Variants in ADCY1 observed in about 807,000 individuals in gnomAD.
ADCY1 encodes adenylate cyclase type 1.
A neutral mutation model predicts 105.4 loss-of-function variants in ADCY1; 28 were observed. The observed-to-expected ratio is 0.27, with a 90% CI of 0.20 to 0.36. The LOEUF is 0.36. ADCY1 is among the 10% of genes least tolerant of loss of function. The pLI, the probability that ADCY1 is intolerant of heterozygous loss-of-function variation, is 1.00. For synonymous variants in ADCY1, 655 were observed against 623.8 expected, an observed-to-expected ratio of 1.05 and a Z score of -0.75; for missense variants, 977 against 1,434.2, an observed-to-expected ratio of 0.68 and a Z score of 5.15.
chr7:45,642,826 A>C (rs2116034474), intron 4 of ADCY1, among the ~76,000 whole-genome samples: 1 of 152,286 alleles, frequency 6.6e-6, no homozygotes, highest in South Asian at 2.1e-4. Flanking sequence ...GTTGCATTTG[A>C]CTTTGCAAGG....
chr7:45,621,925 A>G (rs1214604895), intron 3 of ADCY1, among the ~76,000 whole-genome samples: 1 of 152,226 alleles, frequency 6.6e-6, no homozygotes, highest in Non-Finnish European at 1.5e-5. Flanking sequence ...AGCATGTTTT[A>G]ATATTGCAAG....
At chr7:45,625,452 T>C (rs943656522) in intron 4 of ADCY1, among the ~76,000 whole-genome samples, 1 of 152,062 alleles carries the variant, frequency 6.6e-6, no homozygotes, top group South Asian at 2.1e-4. Context: ...TACATATGTG[T>C]GTGAGTGTGC....
At chr7:45,713,576 G>C (rs572483633) in intron 19 of ADCY1, 117 bp from the exon 20 acceptor site, 1 of 650,738 alleles carries the variant, frequency 1.5e-6, no homozygotes, top group African/African-American at 1.8e-5. Flanking sequence ...ACATCCCAGT[G>C]CCAGGGTTGG....
At chr7:45,596,308 G>A (rs557837967) in intron 2 of ADCY1, among the ~76,000 whole-genome samples, 2 of 152,272 alleles carry the variant, frequency 1.3e-5, no homozygotes, top group Admixed American at 1.3e-4. Context: ...GCAACACAAC[G>A]GGTGATGGGA....
chr7:45,602,833 A>C (rs1307163353), intron 2 of ADCY1, among the ~76,000 whole-genome samples: 1 of 152,216 alleles, frequency 6.6e-6, no homozygotes, highest in Non-Finnish European at 1.5e-5. Context: ...TTACACATTA[A>C]TCTTATTTAA....
At chr7:45,613,660 A>G (rs1475708302) in intron 3 of ADCY1, among the ~76,000 whole-genome samples, 2 of 152,214 alleles carry the variant, frequency 1.3e-5, no homozygotes, top group Non-Finnish European at 1.5e-5. Context: ...ACATCCAGCT[A>G]CAAGAAACTG....
At position 45,685,093 on chromosome 7, in the gene ADCY1, G is replaced by C. The variant is rs370186148; in HGVS notation, c.2073+25G>C. The C allele has an allele frequency of 9.6e-4, 1,543 of 1,601,700 alleles. 4 individuals carry two copies. The highest frequency in any genetic ancestry group is 1.2e-3 in the Non-Finnish European group (1,363 of 1,168,606). On this transcript the variant is annotated intron_variant, in intron 12 of 19. Transcript: ENST00000297323. Reference sequence around the variant, plus strand: ...GGTGAGCATCTCCAGCTTGTGGCATGCGCTGGGGCGGGAGAGGGCATGGCA... The same window carrying C: ...GGTGAGCATCTCCAGCTTGTGGCATCCGCTGGGGCGGGAGAGGGCATGGCA...
intron 4 of ADCY1, among the ~76,000 whole-genome samples, chr7:45,624,543 C>A (rs555920229): frequency 6.6e-6 from 1 of 152,226 alleles, no homozygotes; most frequent in South Asian, 2.1e-4. Context: ...GATCTCAAGA[C>A]CTTTTATTCC....
Position 45,619,370 on chromosome 7 carries a change from G to A in ADCY1, c.909-3262G>A, listed in dbSNP as rs868648047. 3.8e-4 allele frequency among the ~76,000 whole-genome samples: 58 copies of A among 152,248 alleles called. 1 individual carries two copies. The highest frequency in any genetic ancestry group is 1.5e-3 in the South Asian group (7 of 4,826). On this transcript the variant is annotated intron_variant, in intron 3 of 19. Coordinates refer to ENST00000297323, the MANE Select transcript of ADCY1 (RefSeq NM_021116.4). ...TACGTAGAAGAGACGATATTTGAAT[G>A]TTACCAACACAAAGAAATAATAAAA...
intron 1 of ADCY1, 70 bp from the exon 2 acceptor site, chr7:45,592,689 G>C: frequency 6.3e-7 from 1 of 1,596,924 alleles, no homozygotes; most frequent in Non-Finnish European, 8.6e-7. Context: ...TATGCTCTCC[G>C]GGCGGCCTAG....
intron 8 of ADCY1, among the ~76,000 whole-genome samples, chr7:45,666,224 G>A (rs1340095981): frequency 6.6e-6 from 1 of 152,042 alleles, no homozygotes; most frequent in Non-Finnish European, 1.5e-5. Flanking sequence ...CCATGTTGGT[G>A]TGCTGCACCC....
chr7:45,645,762 A>C (rs1377205266), intron 4 of ADCY1, among the ~76,000 whole-genome samples: 3 of 152,066 alleles, frequency 2.0e-5, no homozygotes, highest in Non-Finnish European at 4.4e-5. Context: ...AGGGACCCAC[A>C]TCACCCTCAA....
In ADCY1 at chr7:45,716,672, C is replaced by T. The variant is rs958848739; in HGVS notation, c.*2677C>T. The stretch of plus-strand genomic sequence containing the variant: ...GTGGTGGGTAGACAGAGGAGTGAAC[C>T]CCAAAGGTGTCCATGCCCCAGTTCT... On this transcript the variant is annotated 3_prime_UTR_variant, in exon 20 of 20. Transcript: ENST00000297323. 1 of 152,732 alleles carries T rather than the reference C, an allele frequency of 6.5e-6. No individual in the cohort carries two copies. The highest frequency in any genetic ancestry group is 1.5e-5 in the Non-Finnish European group (1 of 68,464). 9.5% of individuals were successfully genotyped at this position (152,732 alleles called of 1,614,324 possible). A position where few individuals can be genotyped will look rare whatever the true frequency, so the allele number is the denominator to read the frequency against.
chr7:45,689,312 T>G, intron 14 of ADCY1, among the ~76,000 whole-genome samples: 1 of 152,100 alleles, frequency 6.6e-6, no homozygotes. Context: ...CTTGCACTGC[T>G]ATAAAGGAAT....
rs1164526419 is a variant in ADCY1, at chr7:45,686,949, C to G, written c.2454+276C>G. On this transcript the variant is annotated intron_variant, in intron 14 of 19. Transcript: ENST00000297323. The surrounding 1 kb of genome is among the most constrained non-coding windows in gnomAD (Gnocchi z 4.3). ...CCTGATGGTCAGAGCGTGGCTCTTT[C>G]ACGAGGCAGTGAGTCCCCCTTCACT... is the stretch of plus-strand genomic sequence containing the variant. 3.3e-5 allele frequency among the ~76,000 whole-genome samples: 5 copies of G among 152,160 alleles called. No homozygotes were observed. The highest frequency in any genetic ancestry group is 9.7e-5 in the African/African-American group (4 of 41,422).
At position 45,704,470 on chromosome 7, in the gene ADCY1, T is replaced by G. The variant is rs747530662; in HGVS notation, c.2719-48T>G. ...CTGGGGGCTGACGGCTGCAGCGACT[T>G]TTCTCAAATGTTATGTCATGTTTAA... On this transcript the variant is annotated intron_variant, in intron 16 of 19. Transcript: ENST00000297323. 9.5e-6 allele frequency: 15 copies of G among 1,575,756 alleles called. No homozygotes were observed. The Admixed American group carries it at 2.4e-4, about 25-fold the overall frequency.
intron 3 of ADCY1, among the ~76,000 whole-genome samples, chr7:45,613,118 C>G (rs1433539499): frequency 2.0e-5 from 3 of 152,114 alleles, no homozygotes; most frequent in Non-Finnish European, 4.4e-5. Context: ...CGGAAACTGA[C>G]TAATGAAACA....
intron 4 of ADCY1, among the ~76,000 whole-genome samples, chr7:45,643,942 G>C (rs1483805315): frequency 6.6e-6 from 1 of 152,178 alleles, no homozygotes; most frequent in Non-Finnish European, 1.5e-5. Context: ...TTGATGAACA[G>C]GTGTCTGCAG....
intron 1 of ADCY1, among the ~76,000 whole-genome samples, chr7:45,586,182 A>T (rs1393927404): frequency 6.6e-6 from 1 of 151,864 alleles, no homozygotes; most frequent in African/African-American, 2.4e-5. Flanking sequence ...ATGACCTGGG[A>T]GGAGAGGCTG....
Sources: allele counts gnomAD v4.1 joint callset (sites outside exome capture counted in the v4.1 genomes callset), GRCh38; gene constraint gnomAD v4.1.1; non-coding constraint Gnocchi (gnomAD v3.1); transcripts MANE v1.5; gene names NCBI Gene and HGNC (gene_info 2026-07-23, HGNC 2026-07-21).